The following ESR2 variants were observed in gnomAD, a reference collection of about 807,000 sequenced individuals.
The protein encoded by ESR2 is estrogen receptor 2.
A neutral mutation model predicts 49.6 loss-of-function variants in ESR2; 36 were observed. That is an observed-to-expected ratio of 0.73 (90% CI 0.56 to 0.96). The LOEUF is 0.96. Among genes scored for constraint, ESR2 ranks in the 40% least tolerant of loss-of-function variants. The pLI, the probability that ESR2 is intolerant of heterozygous loss-of-function variation, is 0.00. For missense variants in ESR2, 714 were observed against 693.0 expected (o/e 1.03, Z -0.34); for synonymous variants, 320 against 266.1 (o/e 1.20, Z -1.97).
upstream of ESR2, chr14:64,298,432 TG>T (rs1301959776): frequency 3.3e-5 from 5 of 152,212 alleles, no homozygotes; most frequent in African/African-American, 9.7e-5. Flanking sequence ...CATGAGATGC[TG>T]TTCTTATTTG....
chr14:64,286,352 G>C (rs1056565591), intron 1 of ESR2, among the ~76,000 whole-genome samples: 1 of 152,054 alleles, frequency 6.6e-6, no homozygotes, highest in African/African-American at 2.4e-5. Flanking sequence ...CCAGGCTGGA[G>C]TGCAGTGGTA....
At chr14:64,260,890 A>G (rs534908777) in intron 4 of ESR2, 142 bp from the exon 5 acceptor site, 11 of 658,268 alleles carry the variant, frequency 1.7e-5, no homozygotes, top group African/African-American at 1.1e-4. Context: ...AACCAACGAC[A>G]TAACTTTTCA....
At chr14:64,243,974 T>C (rs1226397061) in intron 7 of ESR2, among the ~76,000 whole-genome samples, 13 of 152,208 alleles carry the variant, frequency 8.5e-5, no homozygotes, top group African/African-American at 2.4e-5. Context: ...CTGGTGTCTA[T>C]TTGGGTTACC....
At chr14:64,271,195 C>T (rs1190692199) in intron 3 of ESR2, among the ~76,000 whole-genome samples, 6 of 152,090 alleles carry the variant, frequency 3.9e-5, no homozygotes, top group Non-Finnish European at 8.8e-5. Flanking sequence ...CAACCTCCAC[C>T]TCCTGAGCTT....
chr14:64,279,417 G>A lies in ESR2; in HGVS notation c.535+564C>T, dbSNP rs571826853. ...AAAAAAAAAATCCAGAAGGCGTTTA[G>A]AGAAAGTTAGGGAAATAATCTAAAC... On this transcript the variant is annotated intron_variant, in intron 3 of 8. Coordinates refer to ENST00000341099, the MANE Select transcript of ESR2 (RefSeq NM_001437.3). Among the ~76,000 whole-genome samples the A allele has an allele frequency of 2.0e-4, 31 of 152,234 alleles. 1 individual carries two copies. Among genetic ancestry groups the A allele is most frequent in the Admixed American group, 2.0e-3 (30 of 15,298 alleles).
chr14:64,299,836 G>A (rs2077002655), intron 1 of ESR2, among the ~76,000 whole-genome samples: 1 of 152,150 alleles, frequency 6.6e-6, no homozygotes. Flanking sequence ...ACTTCTCCAA[G>A]TAGTTCATGC....
intron 1 of ESR2, among the ~76,000 whole-genome samples, chr14:64,310,166 G>T (rs565334539): frequency 6.6e-6 from 1 of 151,456 alleles, no homozygotes; most frequent in African/African-American, 2.4e-5. Flanking sequence ...CCAGCTACTC[G>T]GAAGGCTGAG....
At chr14:64,292,944 A>G (rs960985432) in intron 1 of ESR2, among the ~76,000 whole-genome samples, 7 of 152,146 alleles carry the variant, frequency 4.6e-5, no homozygotes, top group African/African-American at 1.7e-4. Flanking sequence ...TGTCTTGAGC[A>G]AGACTTAAGT....
intron 1 of ESR2, chr14:64,330,748 A>G (rs1414458895): frequency 6.6e-6 from 1 of 152,134 alleles, no homozygotes; most frequent in Non-Finnish European, 1.5e-5. Flanking sequence ...TATCTGGGCA[A>G]CACAGCCCAG....
At position 64,246,734 on chromosome 14, in the gene ESR2, C is replaced by CAAAAAAAAAAAAAAAAAAAAAAAAAA. The variant is rs71123836; in HGVS notation, c.1225+2786_1225+2811dup. Among the ~76,000 whole-genome samples, 3 of 36,452 alleles carry CAAAAAAAAAAAAAAAAAAAAAAAAAA rather than the reference C, an allele frequency of 8.2e-5. 1 individual carries two copies. The highest frequency in any genetic ancestry group is 8.4e-4 in the Admixed American group (2 of 2,380). The allele number at this position is 36,452 out of a possible 152,430, so 23.9% of individuals were successfully genotyped here. Reference sequence around the variant, plus strand: ...CCTGGCCAACACAGGAAGACTCTGTCAAAAAAAAAAAAAAAAAAAAAAAAA... The same window carrying CAAAAAAAAAAAAAAAAAAAAAAAAAA: ...CCTGGCCAACACAGGAAGACTCTGTCAAAAAAAAAAAAAAAAAAAAAAAAAAAAAAAAAAAAAAAAAAAAAAAAAAA... On this transcript the variant is annotated intron_variant, in intron 7 of 8. Coordinates refer to ENST00000341099, the MANE Select transcript of ESR2 (RefSeq NM_001437.3).
rs1193584506 is a variant in ESR2 at position 64,231,013 on chromosome 14, G to A, written c.*2124C>T. 3 of 149,184 alleles carry A rather than the reference G, an allele frequency of 2.0e-5. No homozygotes were observed. The highest frequency in any genetic ancestry group is 3.0e-5 in the Non-Finnish European group (2 of 67,568). The allele number at this position is 149,184 out of a possible 1,614,324, so 9.2% of individuals were successfully genotyped here. On this transcript the variant is annotated 3_prime_UTR_variant, in exon 9 of 9. Transcript: ENST00000341099. Reference sequence around the variant, plus strand: ...GTGATCCTCCCACCTCAGCCTCCCAGGTAGCTGGAACTACAGGCCTGCACC... The same window carrying A: ...GTGATCCTCCCACCTCAGCCTCCCAAGTAGCTGGAACTACAGGCCTGCACC...
intron 1 of ESR2, chr14:64,332,132 G>A (rs1030866972): frequency 6.6e-6 from 1 of 152,186 alleles, no homozygotes; most frequent in East Asian, 1.9e-4. Context: ...TTGATGAATT[G>A]CTTTTAATTA....
intron 7 of ESR2, among the ~76,000 whole-genome samples, chr14:64,241,035 A>G (rs538974990): frequency 1.3e-5 from 2 of 151,096 alleles, no homozygotes; most frequent in South Asian, 4.2e-4. Flanking sequence ...AGTCCCAGCT[A>G]CTGGGGAGGC....
In ESR2 at chr14:64,324,784, G is replaced by A. The variant is rs79971777; in HGVS notation, c.-91+13114C>T. Among the ~76,000 whole-genome samples the A allele has an allele frequency of 6.6e-5, 10 of 152,188 alleles. No homozygotes were observed. The East Asian group carries it at 1.7e-3, about 26-fold the overall frequency. Reference sequence around the variant, plus strand: ...TGGGGACAATAAATTAGTAAATAGAGGCTAAAGGAAGACTATTAAGACTTG... The same window carrying A: ...TGGGGACAATAAATTAGTAAATAGAAGCTAAAGGAAGACTATTAAGACTTG... On this transcript the variant is annotated intron_variant, in intron 1 of 8. Coordinates refer to the ESR2 transcript ENST00000358599.
At chr14:64,268,522 G>A (rs1289183231) in intron 4 of ESR2, among the ~76,000 whole-genome samples, 1 of 152,160 alleles carries the variant, frequency 6.6e-6, no homozygotes, top group Non-Finnish European at 1.5e-5. Context: ...AACCCATCTG[G>A]TGGCCTATTC....
chr14:64,288,192 G>A (rs940846336), intron 1 of ESR2, among the ~76,000 whole-genome samples: 3 of 152,068 alleles, frequency 2.0e-5, no homozygotes, highest in Admixed American at 6.6e-5. Flanking sequence ...ACATGGGATC[G>A]TGCATGGTGT....
chr14:64,303,150 C>A (rs2077047316), intron 1 of ESR2, among the ~76,000 whole-genome samples: 1 of 152,168 alleles, frequency 6.6e-6, no homozygotes, highest in Non-Finnish European at 1.5e-5. Flanking sequence ...GGTGATTAAA[C>A]CCCGAGTGGC....
Position 64,268,833 on chromosome 14 carries a change from C to T in ESR2, c.614G>A (p.Arg205Gln), listed in dbSNP as rs748841139. 6 of 1,613,470 alleles carry T rather than the reference C, an allele frequency of 3.7e-6. No homozygotes were observed. Among genetic ancestry groups the T allele is most frequent in the African/African-American group, 1.3e-5 (1 of 74,920 alleles). Residue 205 changes from arginine to glutamine, a missense_variant, in exon 4 of 9, where the codon CGA becomes CAA. Coordinates refer to ENST00000341099, the MANE Select transcript of ESR2 (RefSeq NM_001437.3). Reference sequence around the variant, plus strand: ...TCCCACTTCGTAACACTTCCGAAGTCGGCAGGCCTGGCAGCTCTTGCGCCG... The same window carrying T: ...TCCCACTTCGTAACACTTCCGAAGTTGGCAGGCCTGGCAGCTCTTGCGCCG... Reference protein sequence around the residue: ...KNRRKSCQACRLRKCYEVGMV... With the variant: ...KNRRKSCQACQLRKCYEVGMV...
chr14:64,241,734 A>C (rs911990863), intron 7 of ESR2, among the ~76,000 whole-genome samples: 1 of 152,228 alleles, frequency 6.6e-6, no homozygotes, highest in Non-Finnish European at 1.5e-5. Flanking sequence ...CTGGTGCCAC[A>C]CAGAAATACA....
Sources: gnomAD v4.1 joint callset for allele counts (sites outside exome capture counted in the v4.1 genomes callset) on GRCh38, gnomAD v4.1.1 for gene constraint, MANE v1.5 for transcripts, NCBI Gene and HGNC (gene_info 2026-07-23, HGNC 2026-07-21) for gene names.